BMP7: variants seen among roughly 807,000 people sequenced by gnomAD.
BMP7 encodes the protein osteogenic protein 1.
BMP7 carries 12 observed loss-of-function variants against 41.2 expected under a neutral mutation model. That is an observed-to-expected ratio of 0.29 (90% CI 0.19 to 0.47). BMP7 has a LOEUF of 0.47. Ranked by LOEUF, BMP7 falls within the 20% of genes least tolerant of loss-of-function variation. The pLI, the probability that BMP7 is intolerant of heterozygous loss-of-function variation, is 0.99. For synonymous variants in BMP7, 248 were observed against 250.0 expected, an observed-to-expected ratio of 0.99 and a Z score of 0.07; for missense variants, 467 against 606.0, an observed-to-expected ratio of 0.77 and a Z score of 2.41.
At chr20:57,243,245 G>A (rs1225220741) in intron 1 of BMP7, among the ~76,000 whole-genome samples, 1 of 152,152 alleles carries the variant, frequency 6.6e-6, no homozygotes, top group African/African-American at 2.4e-5. Flanking sequence ...AGCACTTTGG[G>A]AGGTCGAGGC....
In BMP7 at chr20:57,182,936, TA is replaced by T. The variant is rs1984118402; in HGVS notation, c.958+785del. 2.0e-5 allele frequency among the ~76,000 whole-genome samples: 3 copies of T among 152,362 alleles called. No individual in the cohort carries two copies. In the South Asian group the frequency reaches 6.2e-4, roughly 32 times the overall value. On this transcript the variant is annotated intron_variant, in intron 4 of 6. Coordinates refer to ENST00000395863, the MANE Select transcript of BMP7 (RefSeq NM_001719.3). Reference sequence around the variant, plus strand: ...AAAAGTACCGCACATCATATATTCTTAAAACACCTACCACCTGGCCGGGTGC... The same window carrying T: ...AAAAGTACCGCACATCATATATTCTTAAACACCTACCACCTGGCCGGGTGC...
Position 57,174,841 on chromosome 20 carries a change from A to G in BMP7, c.1035+90T>C, listed in dbSNP as rs1983886314. On this transcript the variant is annotated intron_variant, in intron 5 of 6. Transcript: ENST00000395863. The surrounding 1 kb of genome is among the most constrained non-coding windows in gnomAD (Gnocchi z 4.3). ...GATACTGGAGTCTTAACTGGCAGAG[A>G]TGAGAAACAAGACTGAGCACAGACC... 4 of 1,399,078 alleles carry G rather than the reference A, an allele frequency of 2.9e-6. No individual in the cohort carries two copies. Among genetic ancestry groups the G allele is most frequent in the Non-Finnish European group, 3.9e-6 (4 of 1,017,628 alleles). 86.7% of individuals were successfully genotyped at this position (1,399,078 alleles called of 1,614,324 possible).
At chr20:57,205,482 A>G (rs1420742893) in intron 2 of BMP7, among the ~76,000 whole-genome samples, 1 of 152,216 alleles carries the variant, frequency 6.6e-6, no homozygotes, top group Non-Finnish European at 1.5e-5. Context: ...TCAATGAACC[A>G]TTAGCGATTC....
chr20:57,249,423 G>A (rs1221782504), intron 1 of BMP7, among the ~76,000 whole-genome samples: 1 of 152,086 alleles, frequency 6.6e-6, no homozygotes, highest in Non-Finnish European at 1.5e-5. Context: ...GCCATATGGA[G>A]ATACTGCATA....
At chr20:57,239,809 C>T (rs1424891946) in intron 1 of BMP7, among the ~76,000 whole-genome samples, 2 of 152,242 alleles carry the variant, frequency 1.3e-5, no homozygotes, top group African/African-American at 4.8e-5. Flanking sequence ...TCTGAAATCA[C>T]AGCCCAAGCT....
At chr20:57,173,454 C>T in intron 5 of BMP7, 144 bp from the exon 6 acceptor site, 1 of 785,386 alleles carries the variant, frequency 1.3e-6, no homozygotes, top group Non-Finnish European at 2.2e-6. Flanking sequence ...AGCAGGGGGC[C>T]CAGCAGGGGC....
chr20:57,187,917 C>A (rs906097593), intron 3 of BMP7, among the ~76,000 whole-genome samples: 5 of 152,130 alleles, frequency 3.3e-5, no homozygotes, highest in African/African-American at 1.2e-4. Flanking sequence ...TGGAATCTTC[C>A]CCTTTGTCAC....
Position 57,215,945 on chromosome 20 carries a change from C to T in BMP7, c.611+12284G>A, listed in dbSNP as rs1331068324. On this transcript the variant is annotated intron_variant, in intron 2 of 6. Transcript: ENST00000395863. This position sits in a 1 kb window ranked among gnomAD's most constrained non-coding sequence, Gnocchi z 4.2. ...CCACAGGCTGTTTTAAGATTCCAAA[C>T]CCAGAGACAGAAAAAGTGCAGCAAA... The T allele has an allele frequency of 6.6e-6, 1 of 151,480 alleles. No individual in the cohort carries two copies. The highest frequency in any genetic ancestry group is 1.5e-5 in the Non-Finnish European group (1 of 67,938). The allele number at this position is 151,480 out of a possible 1,614,324, so 9.4% of individuals were successfully genotyped here. A position where few individuals can be genotyped will look rare whatever the true frequency, so the allele number is the denominator to read the frequency against.
At position 57,209,247 on chromosome 20, in the gene BMP7, T is replaced by TTTTA. The variant is rs1555814038; in HGVS notation, c.612-6628_612-6625dup. 1.9e-3 allele frequency among the ~76,000 whole-genome samples: 135 copies of TTTTA among 69,860 alleles called. 1 individual carries two copies. Among genetic ancestry groups the TTTTA allele is most frequent in the African/African-American group, 6.5e-3 (126 of 19,320 alleles). 45.8% of individuals were successfully genotyped at this position (69,860 alleles called of 152,430 possible). A position where few individuals can be genotyped will look rare whatever the true frequency, so the allele number is the denominator to read the frequency against. The stretch of plus-strand genomic sequence containing the variant: ...TAAACAAATACCTAGATTTATATAT[T>TTTTA]TTTATATATATATATATATATATAT... On this transcript the variant is annotated intron_variant, in intron 2 of 6. Coordinates refer to ENST00000395863, the MANE Select transcript of BMP7 (RefSeq NM_001719.3).
intron 2 of BMP7, among the ~76,000 whole-genome samples, chr20:57,210,289 G>A (rs938738719): frequency 2.0e-5 from 3 of 152,146 alleles, no homozygotes; most frequent in Admixed American, 6.5e-5. Flanking sequence ...CAGGTGAATC[G>A]GCTGAAATCT....
At position 57,195,206 on chromosome 20, in the gene BMP7, G is replaced by A. The variant is rs1003451351; in HGVS notation, c.760+7269C>T. Reference sequence around the variant, plus strand: ...AGCACAGTGAGGCCCCTTGGTAAAGGAGGGGATGCAGCCCACCCACGCCGC... The same window carrying A: ...AGCACAGTGAGGCCCCTTGGTAAAGAAGGGGATGCAGCCCACCCACGCCGC... On this transcript the variant is annotated intron_variant, in intron 3 of 6. Transcript: ENST00000395863. Among the ~76,000 whole-genome samples, 6 of 152,350 alleles carry A rather than the reference G, an allele frequency of 3.9e-5. No homozygotes were observed. The South Asian group carries it at 8.3e-4, about 21-fold the overall frequency.
intron 6 of BMP7, 26 bp downstream of exon 6, chr20:57,173,174 A>G: frequency 6.2e-7 from 1 of 1,607,560 alleles, no homozygotes. Context: ...CCAGGTGACC[A>G]CACCCCAAGA....
intron 2 of BMP7, among the ~76,000 whole-genome samples, chr20:57,205,255 A>G (rs932621944): frequency 6.6e-6 from 1 of 152,162 alleles, no homozygotes; most frequent in Non-Finnish European, 1.5e-5. Context: ...GACTTTGAAG[A>G]CCCTAAGTTT....
intron 2 of BMP7, among the ~76,000 whole-genome samples, chr20:57,217,217 T>C (rs1985052680): frequency 6.6e-6 from 1 of 152,104 alleles, no homozygotes; most frequent in African/African-American, 2.4e-5. Flanking sequence ...ACCTGTGGGT[T>C]CAACCCCAGA....
chr20:57,256,810 C>T (rs759173927), intron 1 of BMP7, among the ~76,000 whole-genome samples: 8 of 152,054 alleles, frequency 5.3e-5, no homozygotes, highest in Non-Finnish European at 8.8e-5. Flanking sequence ...ATCACTTGAA[C>T]CCAGAAGGCG....
Position 57,265,117 on chromosome 20 carries a change from G to T in BMP7, c.418+588C>A, listed in dbSNP as rs1600650499. ...AAGAAAACAAAGAAAATTAGCAATGGCACCGTTTCTTCCCCAGCTCCAGCC... is the reference window on the plus strand; with the variant it reads ...AAGAAAACAAAGAAAATTAGCAATGTCACCGTTTCTTCCCCAGCTCCAGCC... On this transcript the variant is annotated intron_variant, in intron 1 of 6. Transcript: ENST00000395863. Among the ~76,000 whole-genome samples, 3 of 152,312 alleles carry T rather than the reference G, an allele frequency of 2.0e-5. No homozygotes were observed. In the East Asian group the frequency reaches 5.8e-4, roughly 29 times the overall value.
intron 3 of BMP7, among the ~76,000 whole-genome samples, chr20:57,186,643 C>T (rs549626058): frequency 2.0e-5 from 3 of 152,216 alleles, no homozygotes; most frequent in East Asian, 1.9e-4. Context: ...TCTGCAGATA[C>T]GGTGCCCCCA....
chr20:57,255,516 G>A (rs2066130486), intron 1 of BMP7, among the ~76,000 whole-genome samples: 2 of 152,136 alleles, frequency 1.3e-5, no homozygotes, highest in African/African-American at 4.8e-5. Context: ...ATGTCTCTAA[G>A]GGGCCAGTTG....
rs529074934 is a variant in BMP7 at position 57,255,152 on chromosome 20, C to T, written c.418+10553G>A. On this transcript the variant is annotated intron_variant, in intron 1 of 6. Transcript: ENST00000395863. ...AATGGTCTCAACATCATCTCCTCCA[C>T]GCTCCCCGCTACCTATTCGATACCC... 1.4e-4 allele frequency among the ~76,000 whole-genome samples: 21 copies of T among 152,246 alleles called. 1 individual carries two copies. The highest frequency in any genetic ancestry group is 8.3e-4 in the South Asian group (4 of 4,814).
Sources: gnomAD v4.1 joint callset for allele counts (sites outside exome capture counted in the v4.1 genomes callset) on GRCh38, gnomAD v4.1.1 for gene constraint, Gnocchi (gnomAD v3.1) non-coding constraint, MANE v1.5 for transcripts, NCBI Gene and HGNC (gene_info 2026-07-23, HGNC 2026-07-21) for gene names.